FIRRM: variants seen among roughly 807,000 people sequenced by gnomAD.
FIRRM encodes FIGNL1-interacting regulator of recombination and mitosis.
At chr1:169,820,920 A>C in the FIRRM span, among the ~76,000 whole-genome samples, 1 of 152,232 alleles carries the variant, frequency 6.6e-6, no homozygotes, top group South Asian at 2.1e-4. Flanking sequence ...TGAAGAAAGT[A>C]AAGGAATAAA....
the FIRRM span, among the ~76,000 whole-genome samples, chr1:169,833,830 T>G: frequency 6.7e-6 from 1 of 150,054 alleles, no homozygotes; most frequent in African/African-American, 2.5e-5. Flanking sequence ...CATAAGACTT[T>G]AAGAAAGTCA....
the FIRRM span, among the ~76,000 whole-genome samples, chr1:169,847,350 T>C: frequency 6.8e-6 from 1 of 146,726 alleles, no homozygotes; most frequent in Non-Finnish European, 1.5e-5. Flanking sequence ...AGCAGTATCT[T>C]CAAATTGCAA....
At chr1:169,846,643 C>T in the FIRRM span, among the ~76,000 whole-genome samples, 1 of 152,160 alleles carries the variant, frequency 6.6e-6, no homozygotes, top group Non-Finnish European at 1.5e-5. Flanking sequence ...TCATTAGCAT[C>T]AAACATTTCT....
At chr1:169,795,012 C>A in the FIRRM span, 7 of 1,001,024 alleles carry the variant, frequency 7.0e-6, no homozygotes, top group Non-Finnish European at 9.0e-6. Context: ...GTTTTGGAGC[C>A]GGCGGAGAGC....
At chr1:169,844,133 A>C in the FIRRM span, among the ~76,000 whole-genome samples, 2 of 152,356 alleles carry the variant, frequency 1.3e-5, no homozygotes, top group South Asian at 2.1e-4. Flanking sequence ...TGTGGAATCT[A>C]ACCAGTGTGT....
chr1:169,824,959 A>T, the FIRRM span, among the ~76,000 whole-genome samples: 1 of 152,206 alleles, frequency 6.6e-6, no homozygotes, highest in African/African-American at 2.4e-5. Flanking sequence ...CACCCATATC[A>T]TCCTCATACC....
At chr1:169,833,712 C>T in the FIRRM span, among the ~76,000 whole-genome samples, 1 of 152,126 alleles carries the variant, frequency 6.6e-6, no homozygotes, top group East Asian at 1.9e-4. Context: ...TTTTCGTAGC[C>T]CCACCTATTA....
the FIRRM span, among the ~76,000 whole-genome samples, chr1:169,801,445 C>CAAA: frequency 3.0e-3 from 185 of 61,098 alleles, no homozygotes; most frequent in Middle Eastern, 8.3e-3. Flanking sequence ...TGCTCCGTCT[C>CAAA]AAAAAAAAAA....
chr1:169,791,849 G>A, the FIRRM span, among the ~76,000 whole-genome samples: 2 of 152,164 alleles, frequency 1.3e-5, no homozygotes, highest in African/African-American at 4.8e-5. Context: ...ATGTGGTAAC[G>A]TGAAAATTTT....
At chr1:169,818,982 G>C in the FIRRM span, among the ~76,000 whole-genome samples, 1 of 152,242 alleles carries the variant, frequency 6.6e-6, no homozygotes, top group South Asian at 2.1e-4. Flanking sequence ...ATCACCCCTG[G>C]CTCATTTGCC....
the FIRRM span, among the ~76,000 whole-genome samples, chr1:169,811,847 A>G: frequency 1.3e-5 from 2 of 151,312 alleles, no homozygotes; most frequent in African/African-American, 2.4e-5. Flanking sequence ...TAGATTATCT[A>G]AATAGATAAT....
the FIRRM span, among the ~76,000 whole-genome samples, chr1:169,802,295 T>G: frequency 8.3e-3 from 1,262 of 152,312 alleles, 11 homozygotes; most frequent in Non-Finnish European, 0.012. Context: ...TCAAATTTAT[T>G]GTGCGAAAGT....
the FIRRM span, among the ~76,000 whole-genome samples, chr1:169,810,002 A>G: frequency 8.4e-4 from 128 of 152,338 alleles, no homozygotes; most frequent in African/African-American, 3.0e-3. Flanking sequence ...TCAAGGCACC[A>G]GTAGATTTGG....
the FIRRM span, among the ~76,000 whole-genome samples, chr1:169,837,525 A>C: frequency 6.6e-6 from 1 of 152,242 alleles, no homozygotes; most frequent in East Asian, 1.9e-4. Context: ...ATAATGGAAT[A>C]ATAAGAGACT....
At chr1:169,833,846 CTTTTTTTTTTTTTTT>C in the FIRRM span, among the ~76,000 whole-genome samples, 98 of 96,054 alleles carry the variant, frequency 1.0e-3, no homozygotes, top group East Asian at 0.018. Flanking sequence ...AGTCACTTTC[CTTTTTTTTTTTTTTT>C]TTTTTTTTTT....
At chr1:169,842,855 T>A in the FIRRM span, among the ~76,000 whole-genome samples, 12 of 152,336 alleles carry the variant, frequency 7.9e-5, no homozygotes, top group East Asian at 2.3e-3. Flanking sequence ...TGTATCCTAT[T>A]TCTGTAATTC....
chr1:169,831,228 A>C, the FIRRM span, among the ~76,000 whole-genome samples: 1 of 152,228 alleles, frequency 6.6e-6, no homozygotes, highest in Non-Finnish European at 1.5e-5. Context: ...GAATGGGTAC[A>C]GACAGAAAAT....
the FIRRM span, chr1:169,852,886 C>G: frequency 6.2e-7 from 1 of 1,614,150 alleles, no homozygotes; most frequent in Non-Finnish European, 8.5e-7. Context: ...AACTGAGTCA[C>G]TACTCCAAAA....
the FIRRM span, among the ~76,000 whole-genome samples, chr1:169,845,702 T>G: frequency 6.6e-6 from 1 of 152,146 alleles, no homozygotes. Context: ...AGTTTGATCA[T>G]GAGATTGCAG....
Sources: allele counts gnomAD v4.1 joint callset (sites outside exome capture counted in the v4.1 genomes callset), GRCh38; gene constraint gnomAD v4.1.1; transcripts MANE v1.5; gene names NCBI Gene and HGNC (gene_info 2026-07-23, HGNC 2026-07-21).